CAST: variants seen among roughly 807,000 people sequenced by gnomAD.
CAST encodes MIR583 host.
Under a neutral mutation model 119.6 loss-of-function variants are expected in CAST, and 76 were observed. The ratio of observed to expected loss-of-function variants is 0.64; its 90% CI spans 0.53 to 0.77. The LOEUF (loss-of-function observed/expected upper bound fraction) is 0.77. Ranked by LOEUF, CAST falls within the 30% of genes least tolerant of loss-of-function variation. CAST has a pLI of 0.00. For synonymous variants in CAST, 319 were observed against 331.6 expected (o/e 0.96, Z 0.41); for missense variants, 953 against 946.5 (o/e 1.01, Z -0.09).
the CAST span, among the ~76,000 whole-genome samples, chr5:96,265,583 C>G: frequency 2.0e-5 from 3 of 152,040 alleles, no homozygotes; most frequent in Non-Finnish European, 4.4e-5. Context: ...TCTATTCAGG[C>G]CCTCAATTTA....
upstream of CAST, among the ~76,000 whole-genome samples, chr5:96,523,956 C>T (rs774319709): frequency 2.0e-5 from 3 of 152,220 alleles, no homozygotes; most frequent in South Asian, 2.1e-4. Flanking sequence ...CCAGTATCCC[C>T]GTCTCCAGCT....
chr5:96,619,781 G>C (rs997127450), intron 1 of CAST, among the ~76,000 whole-genome samples: 7 of 150,946 alleles, frequency 4.6e-5, no homozygotes, highest in African/African-American at 1.7e-4. Context: ...CTTCATTCCT[G>C]AAGTCAGCCA....
chr5:96,398,856 G>C, the CAST span: 5 of 1,590,312 alleles, frequency 3.1e-6, no homozygotes, highest in Non-Finnish European at 3.5e-6. Context: ...AAATATAAAT[G>C]GCTTAGAACT....
chr5:96,310,039 T>C, the CAST span, among the ~76,000 whole-genome samples: 2 of 152,246 alleles, frequency 1.3e-5, no homozygotes, highest in East Asian at 1.9e-4. Flanking sequence ...TTTTTCACCA[T>C]TGAGTATAAT....
the CAST span, among the ~76,000 whole-genome samples, chr5:96,366,015 C>A: frequency 1.3e-5 from 2 of 152,180 alleles, no homozygotes; most frequent in Non-Finnish European, 1.5e-5. Flanking sequence ...TCTTTTAGGG[C>A]AGGCCTGTTG....
At chr5:96,480,223 G>C in the CAST span, among the ~76,000 whole-genome samples, 1 of 152,130 alleles carries the variant, frequency 6.6e-6, no homozygotes, top group East Asian at 1.9e-4. Context: ...CTATTGGGGA[G>C]GTTCAGGCAG....
chr5:96,347,833 A>C, the CAST span, among the ~76,000 whole-genome samples: 1 of 152,192 alleles, frequency 6.6e-6, no homozygotes, highest in African/African-American at 2.4e-5. Flanking sequence ...TGATTTGAAG[A>C]GAGCTGTGCA....
chr5:96,487,434 A>G, the CAST span, among the ~76,000 whole-genome samples: 1 of 152,160 alleles, frequency 6.6e-6, no homozygotes, highest in Non-Finnish European at 1.5e-5. Context: ...TGCCTTTTCC[A>G]TTTCCCACAT....
intron 1 of CAST, among the ~76,000 whole-genome samples, chr5:96,546,861 C>T (rs1400032014): frequency 6.6e-6 from 1 of 152,122 alleles, no homozygotes; most frequent in Non-Finnish European, 1.5e-5. Context: ...AACATAGTGT[C>T]ATCAAAATAG....
At chr5:96,425,678 C>T in the CAST span, 2 of 664,160 alleles carry the variant, frequency 3.0e-6, no homozygotes, top group Non-Finnish European at 5.4e-6. Flanking sequence ...AAGAAGATCC[C>T]ATCAGCCCTA....
the CAST span, among the ~76,000 whole-genome samples, chr5:96,229,950 G>T: frequency 6.6e-6 from 1 of 152,094 alleles, no homozygotes; most frequent in African/African-American, 2.4e-5. Flanking sequence ...CCACCTGGAC[G>T]CAGACAGCTG....
chr5:96,765,330 A>T lies in CAST; in HGVS notation c.2037+5A>T, dbSNP rs1389012961. ...CCAATGGAAGATAAAGTAAAGGTAA[A>T]AAAAAAAAAAAAAAAAAAAAAAATT... is the stretch of plus-strand genomic sequence containing the variant. On this transcript the variant is annotated splice_donor_5th_base_variant and intron_variant, in intron 26 of 31. Transcript: ENST00000675179. 13 of 64,402 alleles carry T rather than the reference A, an allele frequency of 2.0e-4. No homozygotes were observed. The East Asian group carries it at 3.6e-3, about 18-fold the overall frequency. The allele number at this position is 64,402 out of a possible 1,614,324, so 4.0% of individuals were successfully genotyped here. A position where few individuals can be genotyped will look rare whatever the true frequency, so the allele number is the denominator to read the frequency against.
At position 96,748,196 on chromosome 5, in the gene CAST, A is replaced by T. The variant is rs190009789; in HGVS notation, c.1333-322A>T. On this transcript the variant is annotated intron_variant, in intron 18 of 31. Transcript: ENST00000675179. ...AAATAGGAAAATAATAATCACATTT[A>T]AAAAAATTATACAGATCTTCATTGT... Among the ~76,000 whole-genome samples, 589 of 152,248 alleles carry T rather than the reference A, an allele frequency of 3.9e-3. 5 individuals are homozygous for T. Among genetic ancestry groups the T allele is most frequent in the African/African-American group, 0.013 (557 of 41,562 alleles).
At chr5:96,159,949 G>C in the CAST span, among the ~76,000 whole-genome samples, 1 of 144,656 alleles carries the variant, frequency 6.9e-6, no homozygotes, top group African/African-American at 2.6e-5. Context: ...TAGCCAACAT[G>C]ATGAAACCTG....
chr5:96,415,607 A>T, the CAST span, among the ~76,000 whole-genome samples: 1 of 152,240 alleles, frequency 6.6e-6, no homozygotes, highest in Non-Finnish European at 1.5e-5. Flanking sequence ...TAATATAATA[A>T]GTATGTACTT....
intron 1 of CAST, among the ~76,000 whole-genome samples, chr5:96,535,478 GAAGAA>G (rs1307670150): frequency 6.6e-6 from 1 of 151,730 alleles, no homozygotes; most frequent in East Asian, 1.9e-4. Flanking sequence ...CTCTGGGGAG[GAAGAA>G]CAGGCATAGG....
At chr5:96,498,437 A>G in the CAST span, among the ~76,000 whole-genome samples, 2 of 152,312 alleles carry the variant, frequency 1.3e-5, no homozygotes, top group South Asian at 2.1e-4. Flanking sequence ...CATTGAATCT[A>G]TAAATTACCT....
chr5:96,200,841 C>A, the CAST span, among the ~76,000 whole-genome samples: 2 of 152,238 alleles, frequency 1.3e-5, no homozygotes, highest in Admixed American at 6.5e-5. Context: ...ACACCCTTAG[C>A]CTAATAAATG....
At chr5:96,040,244 G>A in the CAST span, among the ~76,000 whole-genome samples, 1 of 152,212 alleles carries the variant, frequency 6.6e-6, no homozygotes, top group Admixed American at 6.5e-5. Flanking sequence ...CTTTGCTGAA[G>A]TTGCTTATCA....
Sources: gnomAD v4.1 joint callset for allele counts (sites outside exome capture counted in the v4.1 genomes callset) on GRCh38, gnomAD v4.1.1 for gene constraint, MANE v1.5 for transcripts, NCBI Gene and HGNC (gene_info 2026-07-23, HGNC 2026-07-21) for gene names.